The following ZC2HC1A variants were observed in gnomAD, a reference collection of about 807,000 sequenced individuals.
The protein encoded by ZC2HC1A is zinc finger C2HC domain-containing protein 1A.
Under a neutral mutation model 40.7 loss-of-function variants are expected in ZC2HC1A, and 28 were observed. That is an observed-to-expected ratio of 0.69 (90% confidence interval 0.51 to 0.94). The LOEUF (loss-of-function observed/expected upper bound fraction) is 0.94. ZC2HC1A is among the 40% of genes least tolerant of loss of function. The pLI is 0.00. For synonymous variants in ZC2HC1A, 129 were observed against 129.2 expected (o/e 1.00, Z 0.01); for missense variants, 389 against 386.3 (o/e 1.01, Z -0.06).
chr8:78,715,072 G>T, intron 7 of ZC2HC1A, 149 bp from the exon 8 acceptor site: 1 of 648,692 alleles, frequency 1.5e-6, no homozygotes, highest in Non-Finnish European at 2.4e-6. Context: ...ACTACTATTT[G>T]CTTTCAGATT....
rs143249713 is a variant in ZC2HC1A, at chr8:78,668,403, G to A, written c.16+2239G>A. On this transcript the variant is annotated intron_variant, in intron 1 of 8. Coordinates refer to ENST00000263849, the MANE Select transcript of ZC2HC1A (RefSeq NM_016010.3). The stretch of plus-strand genomic sequence containing the variant: ...TTGCTTAATGTGTCAGAGTAATTGC[G>A]TAAATATTGTACTCTGGCATTAGAC... 3.7e-3 allele frequency among the ~76,000 whole-genome samples: 556 copies of A among 152,170 alleles called. 17 individuals are homozygous for A. The highest frequency in any genetic ancestry group is 0.033 in the Admixed American group (511 of 15,288).
chr8:78,686,792 A>G (rs951777926), intron 4 of ZC2HC1A, among the ~76,000 whole-genome samples, 184 bp downstream of exon 4: 4 of 152,170 alleles, frequency 2.6e-5, no homozygotes, highest in Admixed American at 6.6e-5. Context: ...ATTAATTTAG[A>G]ACATGGAAGT....
chr8:78,674,212 T>G (rs1809509175), intron 1 of ZC2HC1A, among the ~76,000 whole-genome samples: 1 of 152,140 alleles, frequency 6.6e-6, no homozygotes, highest in Non-Finnish European at 1.5e-5. Flanking sequence ...TTTTTCTATG[T>G]GCTGAATCCA....
chr8:78,693,100 A>G (rs1266105881), intron 5 of ZC2HC1A, among the ~76,000 whole-genome samples: 3 of 152,046 alleles, frequency 2.0e-5, no homozygotes, highest in Non-Finnish European at 2.9e-5. Flanking sequence ...CATGGTGTAT[A>G]TGTGCCACAT....
At chr8:78,671,724 C>T (rs1563618265) in intron 1 of ZC2HC1A, among the ~76,000 whole-genome samples, 1 of 152,100 alleles carries the variant, frequency 6.6e-6, no homozygotes. Context: ...ACAAGGAGTT[C>T]TTTGCTGTAG....
Position 78,686,780 on chromosome 8 carries a change from A to G in ZC2HC1A, c.352+172A>G, listed in dbSNP as rs75084909. Among the ~76,000 whole-genome samples, 1,447 of 152,292 alleles carry G rather than the reference A, an allele frequency of 9.5e-3. 17 individuals carry two copies. The highest frequency in any genetic ancestry group is 0.033 in the African/African-American group (1,369 of 41,564). ...AATCTAGTCATGTAGGCTTATAAAG[A>G]CATTAATTTAGAACATGGAAGTGTA... On this transcript the variant is annotated intron_variant, in intron 4 of 8. Transcript: ENST00000263849.
intron 7 of ZC2HC1A, chr8:78,712,082 G>T (rs1177439896): frequency 1.6e-6 from 2 of 1,289,164 alleles, no homozygotes; most frequent in African/African-American, 1.5e-5. Context: ...GCCATCAAAA[G>T]ACATGAGTTA....
intron 8 of ZC2HC1A, 59 bp downstream of exon 8, chr8:78,715,387 C>G: frequency 6.9e-7 from 1 of 1,450,578 alleles, no homozygotes. Flanking sequence ...GATAGTTTTC[C>G]AAGGACCATA....
intron 5 of ZC2HC1A, among the ~76,000 whole-genome samples, chr8:78,690,350 G>A (rs1810167882): frequency 6.6e-6 from 1 of 152,182 alleles, no homozygotes; most frequent in Non-Finnish European, 1.5e-5. Context: ...ACGATTGTCA[G>A]GAGATAAAGA....
intron 1 of ZC2HC1A, among the ~76,000 whole-genome samples, chr8:78,668,247 T>A (rs1268402296): frequency 6.6e-6 from 1 of 152,188 alleles, no homozygotes. Context: ...TCATCCATTC[T>A]TTCATTCTAG....
chr8:78,712,611 C>T (rs1042660670), intron 7 of ZC2HC1A, among the ~76,000 whole-genome samples: 2 of 151,960 alleles, frequency 1.3e-5, no homozygotes, highest in Admixed American at 6.6e-5. Context: ...TGCCTACAAC[C>T]GGGAAAAAGT....
intron 7 of ZC2HC1A, among the ~76,000 whole-genome samples, chr8:78,700,319 T>G (rs564905312): frequency 6.6e-6 from 1 of 152,080 alleles, no homozygotes; most frequent in Admixed American, 6.6e-5. Flanking sequence ...GGATTGTTTG[T>G]TTTTTTTCTT....
chr8:78,689,128 A>T, intron 4 of ZC2HC1A, 94 bp from the exon 5 acceptor site: 8 of 927,150 alleles, frequency 8.6e-6, no homozygotes, highest in Non-Finnish European at 1.2e-5. Context: ...GTTATTACTT[A>T]TATTTTTTGA....
At chr8:78,715,426 G>A (rs1236166622) in intron 8 of ZC2HC1A, 98 bp downstream of exon 8, 2 of 1,139,274 alleles carry the variant, frequency 1.8e-6, no homozygotes, top group Non-Finnish European at 2.4e-6. Context: ...GCTATTTATA[G>A]AAAACCTGAT....
intron 2 of ZC2HC1A, 25 bp downstream of exon 2, chr8:78,675,888 T>C (rs771652213): frequency 6.3e-7 from 1 of 1,583,110 alleles, no homozygotes; most frequent in South Asian, 1.1e-5. Flanking sequence ...TTTGTACCTT[T>C]ATGGTTTTAC....
At chr8:78,691,098 G>C (rs892666744) in intron 5 of ZC2HC1A, among the ~76,000 whole-genome samples, 1 of 152,064 alleles carries the variant, frequency 6.6e-6, no homozygotes, top group Admixed American at 6.6e-5. Context: ...GCATGGGCTA[G>C]ACTAATGTTG....
intron 4 of ZC2HC1A, 23 bp from the exon 5 acceptor site, chr8:78,689,197 CTG>C: frequency 7.7e-6 from 11 of 1,433,798 alleles, no homozygotes; most frequent in Non-Finnish European, 9.2e-6. Flanking sequence ...TGCTATTAAT[CTG>C]TTTCCGTTTT....
intron 7 of ZC2HC1A, among the ~76,000 whole-genome samples, chr8:78,703,290 A>G (rs566408446): frequency 5.3e-5 from 8 of 152,290 alleles, no homozygotes; most frequent in South Asian, 4.1e-4. Flanking sequence ...TATCAGGTCC[A>G]TTTGATCCAG....
intron 7 of ZC2HC1A, 30 bp from the exon 8 acceptor site, chr8:78,715,191 C>A: frequency 6.3e-7 from 1 of 1,593,830 alleles, no homozygotes; most frequent in South Asian, 1.1e-5. Flanking sequence ...CTGTTCAATA[C>A]TTTTCCATTA....
Sources: gnomAD v4.1 joint callset for allele counts (sites outside exome capture counted in the v4.1 genomes callset) on GRCh38, gnomAD v4.1.1 for gene constraint, MANE v1.5 for transcripts, NCBI Gene and HGNC (gene_info 2026-07-23, HGNC 2026-07-21) for gene names.